RAPGEF1: variants seen among roughly 807,000 people sequenced by gnomAD.
The protein encoded by RAPGEF1 is CRK SH3-binding GNRP.
A neutral mutation model predicts 143.3 loss-of-function variants in RAPGEF1; 33 were observed. The observed-to-expected ratio is 0.23, with a 90% CI of 0.17 to 0.31. The LOEUF is 0.31. RAPGEF1 is among the 10% of genes least tolerant of loss of function. The probability of loss-of-function intolerance (pLI) is 1.00; values close to 1 mark genes in which losing one functional copy is unlikely to be tolerated. For missense variants in RAPGEF1, 1,199 were observed against 1,645.4 expected (o/e 0.73, Z 4.69); for synonymous variants, 629 against 676.5 (o/e 0.93, Z 1.09).
intron 1 of RAPGEF1, among the ~76,000 whole-genome samples, chr9:131,684,166 T>G (rs1198858174): frequency 6.6e-6 from 1 of 152,098 alleles, no homozygotes; most frequent in Non-Finnish European, 1.5e-5. Context: ...ACAGGAGGAG[T>G]TAACCCTCGA....
intron 12 of RAPGEF1, among the ~76,000 whole-genome samples, chr9:131,612,202 A>G (rs1044327950): frequency 3.3e-5 from 5 of 152,168 alleles, no homozygotes; most frequent in East Asian, 3.8e-4. Flanking sequence ...TCTATTTCCT[A>G]TAACTTTATC....
At chr9:131,636,901 A>G (rs1966507346) in intron 5 of RAPGEF1, among the ~76,000 whole-genome samples, 1 of 152,138 alleles carries the variant, frequency 6.6e-6, no homozygotes, top group Admixed American at 6.5e-5. Flanking sequence ...TCGCTGCCCT[A>G]AGCAGATACT....
intron 1 of RAPGEF1, among the ~76,000 whole-genome samples, chr9:131,726,439 C>T (rs958865453): frequency 1.3e-5 from 2 of 152,008 alleles, no homozygotes; most frequent in Non-Finnish European, 2.9e-5. Context: ...CCATCCTGGC[C>T]AATGTGGTGA....
intron 12 of RAPGEF1, among the ~76,000 whole-genome samples, chr9:131,611,551 C>G (rs1958021281): frequency 6.6e-6 from 1 of 152,180 alleles, no homozygotes; most frequent in African/African-American, 2.4e-5. Flanking sequence ...CCAATACATT[C>G]TAGGATGCTC....
chr9:131,582,619 C>T lies in RAPGEF1; in HGVS notation c.3498G>A (p.Pro1166=), dbSNP rs377036110. ...CTGCTACTCACAGGTACGGGATGCA[C>T]GGCGGTTCCACCTCCGAGAGGGCGG... is the stretch of plus-strand genomic sequence containing the variant. ...YRAALSEVEP[P]CIPYLGLILQ... is the part of the protein sequence containing the mutation. The change falls in exon 25 of 27, where the codon CCG becomes CCA. Residue 1166 remains proline, a synonymous_variant. Coordinates refer to ENST00000683357, the MANE Select transcript of RAPGEF1 (RefSeq NM_001377935.1). The T allele has an allele frequency of 6.5e-6, 10 of 1,529,668 alleles. No individual in the cohort carries two copies. The highest frequency in any genetic ancestry group is 1.5e-5 in the African/African-American group (1 of 68,860). The allele number at this position is 1,529,668 out of a possible 1,614,324, so 94.8% of individuals were successfully genotyped here.
chr9:131,712,884 G>A (rs1352944856), intron 1 of RAPGEF1, among the ~76,000 whole-genome samples: 3 of 152,106 alleles, frequency 2.0e-5, no homozygotes, highest in Non-Finnish European at 4.4e-5. Context: ...GAGAGCAACA[G>A]AATAACCTAA....
At chr9:131,594,470 C>T (rs768769852) in intron 17 of RAPGEF1, among the ~76,000 whole-genome samples, 1 of 152,146 alleles carries the variant, frequency 6.6e-6, no homozygotes, top group Non-Finnish European at 1.5e-5. Context: ...CACAAAGCAC[C>T]CCCACACGGC....
intron 1 of RAPGEF1, among the ~76,000 whole-genome samples, chr9:131,674,010 TCTCTAAA>T (rs1407515151): frequency 1.3e-5 from 2 of 152,148 alleles, no homozygotes; most frequent in African/African-American, 4.8e-5. Flanking sequence ...TATAAATGGG[TCTCTAAA>T]CTCTGTAAAA....
At chr9:131,737,304 T>A in intron 1 of RAPGEF1, 1 of 1,577,406 alleles carries the variant, frequency 6.3e-7, no homozygotes, top group Non-Finnish European at 8.7e-7. Flanking sequence ...TCTCCCTGTC[T>A]CCACCAGGTA....
Position 131,649,902 on chromosome 9 carries a change from C to A in RAPGEF1, c.315+227G>T, listed in dbSNP as rs933981234. Among the ~76,000 whole-genome samples, 1 of 152,180 alleles carries A rather than the reference C, an allele frequency of 6.6e-6. No homozygotes were observed. Among genetic ancestry groups the A allele is most frequent in the Admixed American group, 6.5e-5 (1 of 15,284 alleles). On this transcript the variant is annotated intron_variant, in intron 3 of 26. Coordinates refer to ENST00000683357, the MANE Select transcript of RAPGEF1 (RefSeq NM_001377935.1). Reference sequence around the variant, plus strand: ...CACCCAAACCAACCCCAGAAAGAATCCCTAAGCTTTTGCCACAAAGCTCTC... The same window carrying A: ...CACCCAAACCAACCCCAGAAAGAATACCTAAGCTTTTGCCACAAAGCTCTC...
At chr9:131,586,209 C>CGCAT (rs1490136257) in intron 22 of RAPGEF1, among the ~76,000 whole-genome samples, 8 of 144,006 alleles carry the variant, frequency 5.6e-5, no homozygotes, top group Non-Finnish European at 9.0e-5. Context: ...CACACACACA[C>CGCAT]GCACGCACAC....
At chr9:131,600,857 C>T (rs555643428) in intron 15 of RAPGEF1, among the ~76,000 whole-genome samples, 1 of 152,114 alleles carries the variant, frequency 6.6e-6, no homozygotes, top group African/African-American at 2.4e-5. Context: ...TTGGTTTATG[C>T]TAATATTGAA....
intron 3 of RAPGEF1, among the ~76,000 whole-genome samples, chr9:131,648,109 G>C (rs1970141945): frequency 6.6e-6 from 1 of 152,228 alleles, no homozygotes; most frequent in Non-Finnish European, 1.5e-5. Context: ...GAAAATCCCG[G>C]CTGGGTGCGG....
At chr9:131,588,511 T>C (rs1411218703) in intron 20 of RAPGEF1, among the ~76,000 whole-genome samples, 2 of 152,234 alleles carry the variant, frequency 1.3e-5, no homozygotes, top group Admixed American at 6.5e-5. Flanking sequence ...ATGTTCGTGC[T>C]GGGACAACCC....
intron 10 of RAPGEF1, among the ~76,000 whole-genome samples, chr9:131,623,305 A>T (rs1247674457): frequency 6.6e-6 from 1 of 152,162 alleles, no homozygotes; most frequent in Non-Finnish European, 1.5e-5. Flanking sequence ...CTAAAAAGAA[A>T]AAAGAAAAGA....
intron 5 of RAPGEF1, among the ~76,000 whole-genome samples, chr9:131,632,461 A>T (rs1262388238): frequency 6.6e-6 from 1 of 152,172 alleles, no homozygotes; most frequent in Non-Finnish European, 1.5e-5. Context: ...ATCCTGTCCA[A>T]GAAAAATGTC....
At chr9:131,656,046 T>G (rs1972390789) in intron 1 of RAPGEF1, among the ~76,000 whole-genome samples, 1 of 152,196 alleles carries the variant, frequency 6.6e-6, no homozygotes, top group East Asian at 1.9e-4. Flanking sequence ...TTAAATGAGA[T>G]ATTTACTGTG....
chr9:131,714,722 T>C (rs1315777826), intron 1 of RAPGEF1, among the ~76,000 whole-genome samples: 1 of 150,316 alleles, frequency 6.7e-6, no homozygotes, highest in Admixed American at 6.6e-5. Context: ...TTTTTTTTTT[T>C]TTTTTGAGAC....
chr9:131,602,665 G>A (rs146789845), intron 14 of RAPGEF1, among the ~76,000 whole-genome samples: 1 of 152,208 alleles, frequency 6.6e-6, no homozygotes, highest in Non-Finnish European at 1.5e-5. Flanking sequence ...CCCTGCTGTC[G>A]TGAACCAAAC....
Sources: gnomAD v4.1 joint callset for allele counts (sites outside exome capture counted in the v4.1 genomes callset) on GRCh38, gnomAD v4.1.1 for gene constraint, MANE v1.5 for transcripts, NCBI Gene and HGNC (gene_info 2026-07-23, HGNC 2026-07-21) for gene names.